Variants in NUDT9 observed in about 807,000 individuals in gnomAD.
NUDT9 encodes ADP-ribose pyrophosphatase.
Under a neutral mutation model 41.0 loss-of-function variants are expected in NUDT9, and 31 were observed. That is an observed-to-expected ratio of 0.76 (90% CI 0.57 to 1.02). NUDT9 has a LOEUF of 1.02. NUDT9 is among the 50% of genes least tolerant of loss of function. NUDT9 has a pLI of 0.00. For synonymous variants in NUDT9, 146 were observed against 147.6 expected (o/e 0.99, Z 0.08); for missense variants, 380 against 431.4 (o/e 0.88, Z 1.06).
At chr4:87,446,419 G>C (rs1722460294) in intron 4 of NUDT9, among the ~76,000 whole-genome samples, 1 of 151,960 alleles carries the variant, frequency 6.6e-6, no homozygotes. Flanking sequence ...GTATTTAGTA[G>C]AGACAGGGTT....
At chr4:87,455,853 G>A (rs9654159) in intron 7 of NUDT9, among the ~76,000 whole-genome samples, 32,531 of 151,532 alleles carry the variant, frequency 0.21, 4,265 homozygotes, top group Admixed American at 0.31. Context: ...GTAGAGATGG[G>A]GTTTCACCAT....
chr4:87,438,151 A>AC lies in NUDT9; in HGVS notation c.348-126_348-125insC, dbSNP rs1722039766. 8.1e-6 allele frequency: 4 copies of AC among 494,896 alleles called. No homozygotes were observed. In the South Asian group the frequency reaches 1.2e-4, roughly 15 times the overall value. The allele number at this position is 494,896 out of a possible 1,614,324, so 30.7% of individuals were successfully genotyped here. A position where few individuals can be genotyped will look rare whatever the true frequency, so the allele number is the denominator to read the frequency against. On this transcript the variant is annotated intron_variant, in intron 2 of 7. Transcript: ENST00000302174. ...AGATGGATTTGTGAAAAAAAAAAAA[A>AC]AACTAACCCTTAAAAATTTATTGTT...
At position 87,438,325 on chromosome 4, in the gene NUDT9, G is replaced by C. The variant is rs781345603; in HGVS notation, c.396G>C (p.Glu132Asp). The C allele has an allele frequency of 6.8e-6, 11 of 1,612,100 alleles. No homozygotes were observed. The Admixed American group carries it at 1.3e-4, about 20-fold the overall frequency. The part of the protein sequence containing the change: ...PKFNEKDGHV[E>D]RKSKNGLYEI... The stretch of plus-strand genomic sequence containing the variant: ...TTAACGAAAAGGATGGGCATGTTGA[G>C]AGAAAGAGCAAGAATGGCCTGTATG... The change falls in exon 3 of 8, where the codon GAG becomes GAC. Residue 132 changes from glutamate (E) to aspartate (D), a missense_variant. Physicochemically the swap from Glu to Asp is conservative, Grantham distance 45. Coordinates refer to ENST00000302174, the MANE Select transcript of NUDT9 (RefSeq NM_024047.5).
intron 4 of NUDT9, among the ~76,000 whole-genome samples, chr4:87,444,215 AT>A (rs1481720774): frequency 3.3e-5 from 5 of 152,064 alleles, no homozygotes; most frequent in African/African-American, 1.2e-4. Context: ...TAGTTTTGAT[AT>A]TTTGGGGGCT....
At chr4:87,435,478 G>A (rs1043973442) in intron 2 of NUDT9, among the ~76,000 whole-genome samples, 7 of 152,184 alleles carry the variant, frequency 4.6e-5, no homozygotes, top group African/African-American at 1.7e-4. Context: ...TCAGCTATGT[G>A]TTATGAAATA....
chr4:87,422,977 C>A lies in NUDT9; in HGVS notation c.72C>A (p.Ile24=). The change falls in exon 1 of 8, where the codon ATC becomes ATA. Residue 24 remains isoleucine (I), a synonymous_variant. Transcript: ENST00000302174. The part of the protein sequence containing the change: ...SLSLALASVT[I]RSSRCRGIQA... The stretch of plus-strand genomic sequence containing the variant: ...CTCTGGCCTTGGCCTCTGTGACTAT[C>A]AGGTCCTCGCGCTGCCGCGGCATCC... 3 of 1,613,240 alleles carry A rather than the reference C, an allele frequency of 1.9e-6. No homozygotes were observed. Among genetic ancestry groups the A allele is most frequent in the Non-Finnish European group, 2.5e-6 (3 of 1,179,728 alleles).
chr4:87,451,982 A>G (rs1722734500), intron 6 of NUDT9, among the ~76,000 whole-genome samples: 2 of 152,150 alleles, frequency 1.3e-5, no homozygotes, highest in South Asian at 4.2e-4. Context: ...ATTTATTATA[A>G]TAACTTTTTT....
intron 3 of NUDT9, among the ~76,000 whole-genome samples, chr4:87,440,924 C>T (rs1424500919): frequency 6.6e-6 from 1 of 152,062 alleles, no homozygotes. Context: ...GAATTATTGT[C>T]AGCTGGGCAG....
chr4:87,452,200 A>G (rs1405907093), intron 6 of NUDT9, among the ~76,000 whole-genome samples: 1 of 151,988 alleles, frequency 6.6e-6, no homozygotes, highest in Non-Finnish European at 1.5e-5. Flanking sequence ...ACAGGGTTTC[A>G]CCATGTTGGC....
At chr4:87,444,803 A>T (rs1327894336) in intron 4 of NUDT9, among the ~76,000 whole-genome samples, 2 of 152,188 alleles carry the variant, frequency 1.3e-5, no homozygotes, top group Non-Finnish European at 2.9e-5. Flanking sequence ...TGTCATACAG[A>T]TAAGAGAACT....
rs1723078287 is a variant in NUDT9, at chr4:87,458,309, T to A, written c.*288T>A. ...TAAACAACTAATGCTCTTTGAAGAA[T>A]CATAATCAGAATAAAGATAAATTCT... On this transcript the variant is annotated 3_prime_UTR_variant, in exon 8 of 8. Coordinates refer to ENST00000302174, the MANE Select transcript of NUDT9 (RefSeq NM_024047.5). 2 of 234,378 alleles carry A rather than the reference T, an allele frequency of 8.5e-6. No individual in the cohort carries two copies. Among genetic ancestry groups the A allele is most frequent in the Non-Finnish European group, 1.6e-5 (2 of 122,986 alleles). The allele number at this position is 234,378 out of a possible 1,614,324, so 14.5% of individuals were successfully genotyped here. A position where few individuals can be genotyped will look rare whatever the true frequency, so the allele number is the denominator to read the frequency against.
intron 2 of NUDT9, 106 bp from the exon 3 acceptor site, chr4:87,438,171 A>T: frequency 1.6e-5 from 8 of 502,042 alleles, no homozygotes; most frequent in East Asian, 3.5e-5. Flanking sequence ...TTAAAAATTT[A>T]TTGTTTCAGG....
chr4:87,436,761 T>G (rs1721957055), intron 2 of NUDT9, among the ~76,000 whole-genome samples: 1 of 152,226 alleles, frequency 6.6e-6, no homozygotes, highest in Non-Finnish European at 1.5e-5. Context: ...TCATTGAAAT[T>G]GGAAATTATT....
intron 1 of NUDT9, among the ~76,000 whole-genome samples, chr4:87,431,825 A>C (rs768965182): frequency 1.3e-5 from 2 of 152,112 alleles, no homozygotes; most frequent in Non-Finnish European, 2.9e-5. Context: ...AGCTGGGATT[A>C]CAGGCACACA....
At position 87,454,362 on chromosome 4, in the gene NUDT9, T is replaced by C. The variant is rs1578081610; in HGVS notation, c.790-9T>C. On this transcript the variant is annotated splice_polypyrimidine_tract_variant and intron_variant, in intron 6 of 7. Coordinates refer to ENST00000302174, the MANE Select transcript of NUDT9 (RefSeq NM_024047.5). Reference sequence around the variant, plus strand: ...GACTTTTAAAAAATTTGTCTTCTTTTGAAAATAGATATATAAGGGATATGT... The same window carrying C: ...GACTTTTAAAAAATTTGTCTTCTTTCGAAAATAGATATATAAGGGATATGT... 3.2e-6 allele frequency: 5 copies of C among 1,581,682 alleles called. No homozygotes were observed. The East Asian group carries it at 1.1e-4, about 35-fold the overall frequency.
At chr4:87,449,808 T>C (rs1278117377) in intron 5 of NUDT9, among the ~76,000 whole-genome samples, 1 of 152,188 alleles carries the variant, frequency 6.6e-6, no homozygotes, top group Non-Finnish European at 1.5e-5. Flanking sequence ...TGTTGGCTTG[T>C]AGTTTGAATT....
At chr4:87,427,500 T>C (rs1560786537) in intron 1 of NUDT9, among the ~76,000 whole-genome samples, 1 of 152,336 alleles carries the variant, frequency 6.6e-6, no homozygotes, top group East Asian at 1.9e-4. Context: ...AAATAGCATA[T>C]ATAGATAGCA....
At position 87,455,852 on chromosome 4, in the gene NUDT9, G is replaced by A. The variant is rs188418717; in HGVS notation, c.874+1397G>A. On this transcript the variant is annotated intron_variant, in intron 7 of 7. Transcript: ENST00000302174. ...AATTTTTGTATTTTTAGTAGAGATG[G>A]GGTTTCACCATGTTGGCCAGGCTGG... Among the ~76,000 whole-genome samples, 1,002 of 151,806 alleles carry A rather than the reference G, an allele frequency of 6.6e-3. 7 individuals carry two copies. The highest frequency in any genetic ancestry group is 0.023 in the African/African-American group (941 of 41,392).
chr4:87,448,984 CA>C (rs1309655463), intron 4 of NUDT9, among the ~76,000 whole-genome samples, 157 bp from the exon 5 acceptor site: 1 of 151,970 alleles, frequency 6.6e-6, no homozygotes, highest in African/African-American at 2.4e-5. Flanking sequence ...AGAATATTTC[CA>C]GTAAAAATCA....
Sources: gnomAD v4.1 joint callset for allele counts (sites outside exome capture counted in the v4.1 genomes callset) on GRCh38, gnomAD v4.1.1 for gene constraint, MANE v1.5 for transcripts, NCBI Gene and HGNC (gene_info 2026-07-23, HGNC 2026-07-21) for gene names.